SPIDR: variants seen among roughly 807,000 people sequenced by gnomAD.
SPIDR encodes the protein DNA repair-scaffolding protein.
A neutral mutation model predicts 104.6 loss-of-function variants in SPIDR; 93 were observed. The observed-to-expected ratio is 0.89, with a 90% CI of 0.75 to 1.06. The LOEUF (loss-of-function observed/expected upper bound fraction) is 1.06, where lower values mean the gene tolerates loss of function less well. Among genes scored for constraint, SPIDR ranks in the 50% least tolerant of loss-of-function variants. SPIDR has a pLI of 0.00. For synonymous variants in SPIDR, 431 were observed against 416.9 expected, an observed-to-expected ratio of 1.03 and a Z score of -0.41; for missense variants, 1,154 against 1,111.2, an observed-to-expected ratio of 1.04 and a Z score of -0.55.
chr8:47,432,276 A>G (rs1350022847), intron 7 of SPIDR, among the ~76,000 whole-genome samples: 1 of 152,244 alleles, frequency 6.6e-6, no homozygotes, highest in East Asian at 1.9e-4. Flanking sequence ...GTGAATAGAT[A>G]AAACGTCATT....
intron 5 of SPIDR, among the ~76,000 whole-genome samples, chr8:47,309,808 G>T (rs1378991856): frequency 6.6e-6 from 1 of 152,140 alleles, no homozygotes; most frequent in African/African-American, 2.4e-5. Flanking sequence ...GGAGGCTGAA[G>T]TGGGCGGATC....
chr8:47,661,429 G>C (rs945908298), intron 10 of SPIDR, among the ~76,000 whole-genome samples: 4 of 152,240 alleles, frequency 2.6e-5, no homozygotes, highest in Non-Finnish European at 5.9e-5. Flanking sequence ...CGGAGAGTGT[G>C]GTGTACTGGA....
chr8:47,341,598 GC>G (rs1159854839), intron 5 of SPIDR, among the ~76,000 whole-genome samples: 1 of 151,696 alleles, frequency 6.6e-6, no homozygotes, highest in Non-Finnish European at 1.5e-5. Flanking sequence ...TAATTCTTAT[GC>G]AAAACAGAAC....
chr8:47,329,795 C>G (rs1439527229), intron 5 of SPIDR, among the ~76,000 whole-genome samples: 1 of 151,930 alleles, frequency 6.6e-6, no homozygotes, highest in Non-Finnish European at 1.5e-5. Flanking sequence ...TTTTTGTTCT[C>G]TTCATTGGTT....
intron 5 of SPIDR, among the ~76,000 whole-genome samples, chr8:47,368,279 A>G (rs2057487043): frequency 7.3e-6 from 1 of 137,634 alleles, no homozygotes; most frequent in Admixed American, 7.8e-5. Flanking sequence ...TTTGGGGAGG[A>G]CACAACATTC....
At chr8:47,368,197 T>C (rs912414379) in intron 5 of SPIDR, among the ~76,000 whole-genome samples, 1 of 151,832 alleles carries the variant, frequency 6.6e-6, no homozygotes, top group Non-Finnish European at 1.5e-5. Flanking sequence ...TTCCACCCCC[T>C]TAACCTGATT....
chr8:47,673,572 A>G, intron 10 of SPIDR: 1 of 588,252 alleles, frequency 1.7e-6, no homozygotes, highest in Non-Finnish European at 3.1e-6. Context: ...CACATACAGA[A>G]AGGATATCTT....
chr8:47,682,752 A>G (rs1396430864), intron 11 of SPIDR, among the ~76,000 whole-genome samples: 4 of 152,222 alleles, frequency 2.6e-5, no homozygotes, highest in African/African-American at 9.6e-5. Context: ...GGGCTCAAAA[A>G]GGAGGAAATG....
intron 14 of SPIDR, among the ~76,000 whole-genome samples, chr8:47,709,167 G>C (rs2081490309): frequency 6.6e-6 from 1 of 151,794 alleles, no homozygotes; most frequent in African/African-American, 2.4e-5. Context: ...TTGAGATGGA[G>C]TCTCTCTCTG....
chr8:47,533,197 A>G (rs1426059572), intron 8 of SPIDR, among the ~76,000 whole-genome samples: 1 of 152,214 alleles, frequency 6.6e-6, no homozygotes, highest in East Asian at 1.9e-4. Context: ...GAAAAAGAAG[A>G]GTGAATTAAA....
intron 8 of SPIDR, among the ~76,000 whole-genome samples, chr8:47,460,613 G>C (rs556366797): frequency 2.4e-3 from 368 of 152,122 alleles, no homozygotes; most frequent in Admixed American, 5.2e-3. Flanking sequence ...CTGCTATTCT[G>C]TTTCTTTTAA....
chr8:47,635,145 C>T (rs778522218), intron 10 of SPIDR, among the ~76,000 whole-genome samples: 5 of 151,476 alleles, frequency 3.3e-5, no homozygotes, highest in African/African-American at 7.3e-5. Context: ...TGTGGGAGGC[C>T]GCCAACATGG....
intron 8 of SPIDR, among the ~76,000 whole-genome samples, chr8:47,554,541 C>A (rs974569000): frequency 6.6e-6 from 1 of 152,234 alleles, no homozygotes; most frequent in Non-Finnish European, 1.5e-5. Context: ...GGCATGGAAC[C>A]CTCTGAGCCA....
At chr8:47,714,882 C>CA (rs2082347833) in intron 16 of SPIDR, among the ~76,000 whole-genome samples, 1 of 152,170 alleles carries the variant, frequency 6.6e-6, no homozygotes, top group South Asian at 2.1e-4. Context: ...ACATCAATCT[C>CA]TACTGATTTC....
intron 10 of SPIDR, among the ~76,000 whole-genome samples, chr8:47,617,420 T>G (rs1470319354): frequency 6.6e-6 from 1 of 152,166 alleles, no homozygotes; most frequent in African/African-American, 2.4e-5. Context: ...CATGTTTGTT[T>G]CAGGATTAAT....
intron 8 of SPIDR, among the ~76,000 whole-genome samples, chr8:47,467,658 A>G (rs1288295521): frequency 1.3e-5 from 2 of 152,142 alleles, no homozygotes; most frequent in African/African-American, 4.8e-5. Flanking sequence ...ATAAAATTCA[A>G]AACCCTTTCA....
intron 7 of SPIDR, among the ~76,000 whole-genome samples, chr8:47,420,880 G>C (rs1410657342): frequency 6.6e-6 from 1 of 152,148 alleles, no homozygotes; most frequent in East Asian, 1.9e-4. Flanking sequence ...GCTTAGTTTG[G>C]CTGGATATGA....
intron 5 of SPIDR, among the ~76,000 whole-genome samples, chr8:47,389,237 T>G (rs1415052534): frequency 6.6e-6 from 1 of 152,194 alleles, no homozygotes; most frequent in African/African-American, 2.4e-5. Flanking sequence ...GGAAGTAATC[T>G]GTGAAAGTTT....
chr8:47,459,739 G>C (rs1452164765), intron 8 of SPIDR, among the ~76,000 whole-genome samples: 1 of 151,792 alleles, frequency 6.6e-6, no homozygotes, highest in Non-Finnish European at 1.5e-5. Context: ...TTGTCTGTTT[G>C]TACTGTTTCA....
Sources: gnomAD v4.1 joint callset for allele counts (sites outside exome capture counted in the v4.1 genomes callset) on GRCh38, gnomAD v4.1.1 for gene constraint, MANE v1.5 for transcripts, NCBI Gene and HGNC (gene_info 2026-07-23, HGNC 2026-07-21) for gene names.